MATK: variants seen among roughly 807,000 people sequenced by gnomAD.
MATK encodes the protein megakaryocyte-associated tyrosine-protein kinase.
MATK carries 41 observed loss-of-function variants against 59.8 expected under a neutral mutation model. The observed-to-expected ratio is 0.69, with a 90% CI of 0.53 to 0.89. The LOEUF (loss-of-function observed/expected upper bound fraction) is 0.89. Ranked by LOEUF, MATK falls within the 40% of genes least tolerant of loss-of-function variation. The pLI, the probability that MATK is intolerant of heterozygous loss-of-function variation, is 0.00. For synonymous variants in MATK, 308 were observed against 306.1 expected (o/e 1.01, Z -0.06); for missense variants, 593 against 719.6 (o/e 0.82, Z 2.01).
chr19:3,778,258 G>T lies in MATK; in HGVS notation c.1449C>A (p.Arg483=). ...AGACGGAGGCTGGGGCACCTGCACT[G>T]CGTAGCTCCCGGGCCAGCTTCTCGG... ...KLAEKLAREL[R]SAGAPASVSG... Residue 483 remains arginine, a synonymous_variant, in exon 14 of 14, where the codon CGC becomes CGA. Transcript: ENST00000310132. 7 of 1,575,764 alleles carry T rather than the reference G, an allele frequency of 4.4e-6. No homozygotes were observed. The highest frequency in any genetic ancestry group is 2.8e-5 in the African/African-American group (2 of 72,722).
upstream of MATK, chr19:3,786,458 G>A (rs1168155238): frequency 3.1e-6 from 3 of 956,868 alleles, no homozygotes; most frequent in Non-Finnish European, 3.7e-6. The surrounding 1 kb of genome is among the most constrained non-coding windows in gnomAD (Gnocchi z 4.1). Flanking sequence ...CCTCCCGCGC[G>A]CCCCGGGCGG....
intron 1 of MATK, among the ~76,000 whole-genome samples, chr19:3,798,348 G>T (rs543591338): frequency 6.7e-6 from 1 of 149,074 alleles, no homozygotes; most frequent in East Asian, 2.0e-4. Flanking sequence ...CCACAGGGCG[G>T]CCTCACTGTG....
Position 3,784,410 on chromosome 19 carries a change from C to A in MATK, c.174G>T (p.Glu58Asp). Residue 58 changes from glutamate (E) to aspartate (D), a missense_variant, in exon 4 of 14, where the codon GAG becomes GAT. Coordinates refer to ENST00000310132, the MANE Select transcript of MATK (RefSeq NM_139355.3). ...GCTCCCCTGGCTTGGGGCGGGTGTG[C>A]TCGCATTTGGTGATACACTGGGTGC... ...APGTQCITKCEHTRPKPGELA... is the reference protein window; with the variant it reads ...APGTQCITKCDHTRPKPGELA... 1 of 1,602,862 alleles carries A rather than the reference C, an allele frequency of 6.2e-7. No homozygotes were observed. Among genetic ancestry groups the A allele is most frequent in the Non-Finnish European group, 8.5e-7 (1 of 1,176,690 alleles).
At position 3,778,606 on chromosome 19, in the gene MATK, C is replaced by A; in HGVS notation, c.1198-11G>T. On this transcript the variant is annotated splice_polypyrimidine_tract_variant and intron_variant, in intron 12 of 13. Coordinates refer to ENST00000310132, the MANE Select transcript of MATK (RefSeq NM_139355.3). The stretch of plus-strand genomic sequence containing the variant: ...CTTGCTGGTGAACTTCTGTGGGGCC[C>A]GAGACGGGGGTGAGGAGGGACCCCT... 6.2e-7 allele frequency: 1 copy of A among 1,605,248 alleles called. No homozygotes were observed. Among genetic ancestry groups the A allele is most frequent in the African/African-American group, 1.3e-5 (1 of 74,680 alleles).
chr19:3,786,882 C>A (rs2037491777), upstream of MATK, among the ~76,000 whole-genome samples: 1 of 152,092 alleles, frequency 6.6e-6, no homozygotes, highest in Non-Finnish European at 1.5e-5. The surrounding 1 kb of genome is among the most constrained non-coding windows in gnomAD (Gnocchi z 4.1). Flanking sequence ...AGCTGCCCTC[C>A]TTGGAGGGTA....
rs543857743 is a variant in MATK at position 3,783,338 on chromosome 19, G to A, written c.583-119C>T. 9.5e-4 allele frequency: 676 copies of A among 714,440 alleles called. 6 individuals are homozygous for A. The African/African-American group carries it at 0.011, about 12-fold the overall frequency. 44.3% of individuals were successfully genotyped at this position (714,440 alleles called of 1,614,324 possible). Reference sequence around the variant, plus strand: ...GGGACCGGGGAGGAGGAGAAAGGCTGGTTTCCATAGGAACGGGAAAGGAGG... The same window carrying A: ...GGGACCGGGGAGGAGGAGAAAGGCTAGTTTCCATAGGAACGGGAAAGGAGG... On this transcript the variant is annotated intron_variant, in intron 6 of 13. Transcript: ENST00000310132.
Position 3,783,217 on chromosome 19 carries a change from A to G in MATK, c.585T>C (p.His195=), listed in dbSNP as rs376111528. 1.3e-5 allele frequency: 20 copies of G among 1,538,054 alleles called. No individual in the cohort carries two copies. The highest frequency in any genetic ancestry group is 1.7e-5 in the Non-Finnish European group (19 of 1,135,244). The change falls in exon 7 of 14, where the codon CAT becomes CAC. Residue 195 remains histidine (H), a splice_region_variant and synonymous_variant. Coordinates refer to ENST00000310132, the MANE Select transcript of MATK (RefSeq NM_139355.3). ...AGATAGCGCCCTTGTCCTTGCTGTA[A>G]TGCTGCAGGATGGTGGGACAGCCAT... The part of the protein sequence containing the change: ...FFCNLMDMVE[H]YSKDKGAICT...
In MATK at chr19:3,785,381, G is replaced by A; in HGVS notation, c.-151-95C>T. ...GTGGGGTGGAGCTGGGGGCAGGGGCGGGTCCTGTAGCCCTGCTGGGCTCCT... is the reference window on the plus strand; with the variant it reads ...GTGGGGTGGAGCTGGGGGCAGGGGCAGGTCCTGTAGCCCTGCTGGGCTCCT... On this transcript the variant is annotated intron_variant, in intron 1 of 13. Coordinates refer to ENST00000310132, the MANE Select transcript of MATK (RefSeq NM_139355.3). The A allele has an allele frequency of 4.8e-6, 4 of 836,696 alleles. 1 individual carries two copies. The South Asian group carries it at 5.4e-5, about 11-fold the overall frequency. The allele number at this position is 836,696 out of a possible 1,614,324, so 51.8% of individuals were successfully genotyped here. A position where few individuals can be genotyped will look rare whatever the true frequency, so the allele number is the denominator to read the frequency against.
Position 3,779,114 on chromosome 19 carries a change from G to A in MATK, c.1075C>T (p.Leu359=), listed in dbSNP as rs779667508. The A allele has an allele frequency of 1.6e-5, 25 of 1,610,206 alleles. No homozygotes were observed. The highest frequency in any genetic ancestry group is 1.0e-4 in the Admixed American group (6 of 59,866). The change falls in exon 12 of 14, where the codon CTG becomes TTG. Residue 359 remains leucine, a synonymous_variant. Coordinates refer to ENST00000310132, the MANE Select transcript of MATK (RefSeq NM_139355.3). The stretch of plus-strand genomic sequence containing the variant: ...TTGGCCACCAGGTCCTCTGAGACCA[G>A]GATGTTGCGGGCGGCCAGGTCGCGG... ...VHRDLAARNI[L]VSEDLVAKVS...
chr19:3,785,322 G>T, intron 1 of MATK, 36 bp from the exon 2 acceptor site: 1 of 1,325,292 alleles, frequency 7.5e-7, no homozygotes, highest in Non-Finnish European at 1.0e-6. Context: ...GGGAAATAGG[G>T]ATGAGTCAAG....
rs776096982 is a variant in MATK, at chr19:3,778,230, C to T, written c.1477G>A (p.Gly493Arg). 2 of 1,575,286 alleles carry T rather than the reference C, an allele frequency of 1.3e-6. No homozygotes were observed. The highest frequency in any genetic ancestry group is 4.5e-5 in the East Asian group (2 of 44,560). The part of the protein sequence containing the change: ...RSAGAPASVS[G>R]QDADGSTSPR... ...GAGGTGGAGCCGTCGGCGTCCTGCC[C>T]TGAGACGGAGGCTGGGGCACCTGCA... is the stretch of plus-strand genomic sequence containing the variant. Residue 493 changes from glycine to arginine, a missense_variant, in exon 14 of 14, where the codon GGG becomes AGG. Transcript: ENST00000310132.
rs1167541890 is a variant in MATK, at chr19:3,784,207, G to A, written c.279C>T (p.Thr93=). 1.2e-6 allele frequency: 2 copies of A among 1,613,500 alleles called. No homozygotes were observed. The highest frequency in any genetic ancestry group is 2.2e-5 in the South Asian group (2 of 91,062). The change falls in exon 5 of 14, where the codon ACC becomes ACT. Residue 93 remains threonine (T), a synonymous_variant. Transcript: ENST00000310132. Reference sequence around the variant, plus strand: ...CTGCCAGCAGCCCCTCCTGTCCACTGGTGTGGTGCTTGACGCGGTACCAGC... The same window carrying A: ...CTGCCAGCAGCCCCTCCTGTCCACTAGTGTGGTGCTTGACGCGGTACCAGC... ...NKSWYRVKHH[T]SGQEGLLAAG...
Position 3,779,393 on chromosome 19 carries a change from A to T in MATK, c.986T>A (p.Leu329His). 6.2e-7 allele frequency: 1 copy of T among 1,613,308 alleles called. No homozygotes were observed. Among genetic ancestry groups the T allele is most frequent in the Non-Finnish European group, 8.5e-7 (1 of 1,180,006 alleles). ...TCCCACTTACAGAGAAAACTGCAGG[A>T]GCTGAGCGGTGTTCACGAGGGCTCG... ...RGRALVNTAQ[L>H]LQFSLHVAEG... Residue 329 changes from leucine (L) to histidine (H), a missense_variant, in exon 11 of 14, where the codon CTC becomes CAC. Leu to His is a moderately conservative substitution (Grantham distance 99). Transcript: ENST00000310132.
rs201283915 is a variant in MATK at position 3,779,473 on chromosome 19, C to T, written c.928-22G>A. On this transcript the variant is annotated intron_variant, in intron 10 of 13. Transcript: ENST00000310132. The stretch of plus-strand genomic sequence containing the variant: ...TGCCCTGTTGGGGGTGGGAGATGGC[C>T]GCGGGATGTTGGGGCTGCTCCGCTG... The T allele has an allele frequency of 3.2e-5, 51 of 1,612,672 alleles. No individual in the cohort carries two copies. In the East Asian group the frequency reaches 4.5e-4, roughly 14 times the overall value.
rs757647539 is a variant in MATK, at chr19:3,783,952, C to G, written c.444G>C (p.Glu148Asp). The G allele has an allele frequency of 6.2e-7, 1 of 1,612,486 alleles. No homozygotes were observed. The highest frequency in any genetic ancestry group is 1.1e-5 in the South Asian group (1 of 91,044). The change falls in exon 6 of 14, where the codon GAG (glutamate) becomes GAC (aspartate). Residue 148 changes from glutamate to aspartate, a missense_variant. Coordinates refer to ENST00000310132, the MANE Select transcript of MATK (RefSeq NM_139355.3). ...CGTAGTCGCCGGGGTGGCGCGCGGA[C>G]TCCCGCACCAGGAACAGCCCATCCT... The part of the protein sequence containing the change: ...PPEDGLFLVR[E>D]SARHPGDYVL...
chr19:3,790,164 C>A (rs1422449918), upstream of MATK, among the ~76,000 whole-genome samples: 2 of 152,202 alleles, frequency 1.3e-5, no homozygotes, highest in Non-Finnish European at 2.9e-5. Context: ...CTTTGAATCA[C>A]AAAGACTCTA....
At chr19:3,794,568 T>A (rs550501735) in intron 1 of MATK, among the ~76,000 whole-genome samples, 2 of 152,166 alleles carry the variant, frequency 1.3e-5, no homozygotes, top group East Asian at 3.9e-4. Context: ...GGCAGGAGGA[T>A]CACTTGAGCC....
chr19:3,799,326 G>C (rs1177757088), intron 1 of MATK, among the ~76,000 whole-genome samples: 1 of 152,168 alleles, frequency 6.6e-6, no homozygotes, highest in African/African-American at 2.4e-5. Flanking sequence ...TAAGTTAAAG[G>C]GCCACGCTGT....
At chr19:3,780,728 G>A (rs573862624) in intron 8 of MATK, among the ~76,000 whole-genome samples, 23 of 151,648 alleles carry the variant, frequency 1.5e-4, no homozygotes, top group African/African-American at 5.3e-4. Context: ...CACTGTGCCC[G>A]GCCAACATTT....
Sources: allele counts gnomAD v4.1 joint callset (sites outside exome capture counted in the v4.1 genomes callset), GRCh38; gene constraint gnomAD v4.1.1; non-coding constraint Gnocchi (gnomAD v3.1); transcripts MANE v1.5; gene names NCBI Gene and HGNC (gene_info 2026-07-23, HGNC 2026-07-21).